The following RBPMS variants were observed in gnomAD, a reference collection of about 807,000 sequenced individuals.
RBPMS encodes the protein RNA binding protein, mRNA processing factor.
Under a neutral mutation model 26.8 loss-of-function variants are expected in RBPMS, and 7 were observed. The observed-to-expected ratio is 0.26, with a 90% CI of 0.15 to 0.49. The LOEUF (loss-of-function observed/expected upper bound fraction) is 0.49, where lower values mean the gene tolerates loss of function less well. Ranked by LOEUF, RBPMS falls within the 20% of genes least tolerant of loss-of-function variation. RBPMS has a pLI of 0.98. For synonymous variants in RBPMS, 96 were observed against 93.3 expected, an observed-to-expected ratio of 1.03 and a Z score of -0.17; for missense variants, 186 against 250.0, an observed-to-expected ratio of 0.74 and a Z score of 1.73.
At chr8:30,418,787 C>T (rs1563300176) in intron 1 of RBPMS, among the ~76,000 whole-genome samples, 1 of 151,996 alleles carries the variant, frequency 6.6e-6, no homozygotes, top group Non-Finnish European at 1.5e-5. Context: ...CCATGTTGGC[C>T]AAGCTGGTCT....
intron 4 of RBPMS, 90 bp from the exon 5 acceptor site, chr8:30,504,196 C>A (rs1302689959): frequency 3.6e-6 from 5 of 1,380,236 alleles, no homozygotes; most frequent in Non-Finnish European, 5.1e-6. Flanking sequence ...TCCTGATAGA[C>A]CAGGGTTTAC....
intron 1 of RBPMS, among the ~76,000 whole-genome samples, chr8:30,391,162 C>G (rs1238987099): frequency 1.3e-5 from 2 of 152,216 alleles, no homozygotes; most frequent in Non-Finnish European, 2.9e-5. Flanking sequence ...CACAGGTGAG[C>G]CTGCCTGGTC....
chr8:30,443,089 C>T (rs1279083921), intron 1 of RBPMS, among the ~76,000 whole-genome samples: 9 of 152,206 alleles, frequency 5.9e-5, no homozygotes, highest in Non-Finnish European at 1.3e-4. Context: ...AGTGGCTCCT[C>T]CGTACGGAAA....
intron 6 of RBPMS, chr8:30,556,803 G>A (rs1826964458): frequency 8.1e-6 from 8 of 985,570 alleles, no homozygotes; most frequent in Non-Finnish European, 8.4e-6. Flanking sequence ...GGGTAGGTAT[G>A]AGTTCTTTCT....
At chr8:30,548,826 G>A (rs1826063458) in intron 6 of RBPMS, among the ~76,000 whole-genome samples, 1 of 152,114 alleles carries the variant, frequency 6.6e-6, no homozygotes, top group Admixed American at 6.5e-5. Context: ...CTGAAAACTA[G>A]ATTTAAAAAA....
intron 7 of RBPMS, chr8:30,565,274 G>A (rs1475462564): frequency 6.6e-6 from 1 of 152,226 alleles, no homozygotes; most frequent in Non-Finnish European, 1.5e-5. Context: ...TGATTCCAGA[G>A]CTGGGTTTCA....
chr8:30,529,499 C>T (rs2151006886), intron 5 of RBPMS, among the ~76,000 whole-genome samples: 1 of 151,228 alleles, frequency 6.6e-6, no homozygotes, highest in Admixed American at 6.6e-5. Flanking sequence ...CAAAACTCCA[C>T]CTAAAAAAAA....
At position 30,561,804 on chromosome 8, in the gene RBPMS, G is replaced by C. The variant is rs991555736; in HGVS notation, c.*7+2848G>C. ...GGATGTTGGCCTGGGACCTAAGGAA[G>C]GGCTTTTTTCCCCTTAAGAATTTAT... On this transcript the variant is annotated intron_variant, in intron 7 of 8. Coordinates refer to ENST00000397323, the MANE Select transcript of RBPMS (RefSeq NM_001008710.3). 9.5e-6 allele frequency: 9 copies of C among 951,854 alleles called. No homozygotes were observed. In the African/African-American group the frequency reaches 1.6e-4, roughly 17 times the overall value. 59.0% of individuals were successfully genotyped at this position (951,854 alleles called of 1,614,324 possible).
intron 7 of RBPMS, among the ~76,000 whole-genome samples, chr8:30,560,497 G>A (rs183497701): frequency 8.5e-5 from 13 of 152,264 alleles, no homozygotes; most frequent in Admixed American, 5.2e-4. Context: ...GAGAGAGAGC[G>A]CTCTGTGCTT....
chr8:30,456,134 A>G (rs1585527911), intron 1 of RBPMS, among the ~76,000 whole-genome samples: 1 of 152,122 alleles, frequency 6.6e-6, no homozygotes, highest in African/African-American at 2.4e-5. Flanking sequence ...CAAAAACTAG[A>G]TGTGTGTCTT....
At chr8:30,408,264 T>C (rs1413790724) in intron 1 of RBPMS, among the ~76,000 whole-genome samples, 2 of 152,146 alleles carry the variant, frequency 1.3e-5, no homozygotes, top group African/African-American at 4.8e-5. Flanking sequence ...GCACAGTGCC[T>C]CACACCAGCA....
At chr8:30,511,471 G>GAAAAAAAAA (rs1188894079) in intron 5 of RBPMS, among the ~76,000 whole-genome samples, 1 of 11,212 alleles carries the variant, frequency 8.9e-5, no homozygotes, top group African/African-American at 2.5e-4. Context: ...AACAAAAAAA[G>GAAAAAAAAA]AAAAAAAAAA....
At chr8:30,557,143 G>A (rs997439320) in intron 6 of RBPMS, among the ~76,000 whole-genome samples, 5 of 152,158 alleles carry the variant, frequency 3.3e-5, no homozygotes, top group African/African-American at 1.2e-4. Context: ...GTCATATCTG[G>A]CATGGTCGCC....
chr8:30,465,918 G>A (rs937244257), intron 1 of RBPMS, among the ~76,000 whole-genome samples: 5 of 152,180 alleles, frequency 3.3e-5, no homozygotes, highest in Non-Finnish European at 7.3e-5. Context: ...GTGCTAACTT[G>A]CTGTCCGTAT....
chr8:30,432,307 G>C (rs1317027065), intron 1 of RBPMS, among the ~76,000 whole-genome samples: 2 of 152,156 alleles, frequency 1.3e-5, no homozygotes, highest in African/African-American at 4.8e-5. Context: ...TGAGTCTTTG[G>C]TTAGATGGAA....
At chr8:30,501,899 T>TC (rs1474810594) in intron 4 of RBPMS, among the ~76,000 whole-genome samples, 1 of 152,202 alleles carries the variant, frequency 6.6e-6, no homozygotes, top group African/African-American at 2.4e-5. Context: ...TTTTCTTTTT[T>TC]CCCTCTTCGT....
intron 5 of RBPMS, among the ~76,000 whole-genome samples, chr8:30,505,355 T>G (rs1820974441): frequency 1.3e-5 from 2 of 152,202 alleles, no homozygotes; most frequent in African/African-American, 4.8e-5. Context: ...TAACTCTTCT[T>G]ATTGAAATTG....
intron 5 of RBPMS, among the ~76,000 whole-genome samples, chr8:30,506,754 T>C (rs1025742813): frequency 2.6e-5 from 4 of 152,192 alleles, no homozygotes; most frequent in African/African-American, 9.7e-5. Context: ...TTTCTTTTGG[T>C]TACTGTTTTT....
Position 30,454,844 on chromosome 8 carries a change from A to C in RBPMS, c.67-19935A>C, listed in dbSNP as rs180690801. 7.6e-4 allele frequency among the ~76,000 whole-genome samples: 116 copies of C among 152,146 alleles called. 1 individual carries two copies. The highest frequency in any genetic ancestry group is 1.6e-4 in the Non-Finnish European group (11 of 68,008). ...TGTTTGTTTGGTTTGTTTTTTTGAG[A>C]CAGAGTCTTACTCTGTTAGCCCAGG... is the stretch of plus-strand genomic sequence containing the variant. On this transcript the variant is annotated intron_variant, in intron 1 of 8. Coordinates refer to ENST00000397323, the MANE Select transcript of RBPMS (RefSeq NM_001008710.3).
Sources: allele counts gnomAD v4.1 joint callset (sites outside exome capture counted in the v4.1 genomes callset), GRCh38; gene constraint gnomAD v4.1.1; transcripts MANE v1.5; gene names NCBI Gene and HGNC (gene_info 2026-07-23, HGNC 2026-07-21).